The following ATP8A1 variants were observed in gnomAD, a reference collection of about 807,000 sequenced individuals.
ATP8A1 encodes ATPase phospholipid transporting 8A1, also known as phospholipid-transporting ATPase IA.
A neutral mutation model predicts 177.7 loss-of-function variants in ATP8A1; 90 were observed. The observed-to-expected ratio is 0.51, with a 90% CI of 0.43 to 0.60. The LOEUF (loss-of-function observed/expected upper bound fraction) is 0.60. ATP8A1 is among the 20% of genes least tolerant of loss of function. ATP8A1 has a pLI of 0.00. For synonymous variants in ATP8A1, 493 were observed against 485.9 expected, an observed-to-expected ratio of 1.01 and a Z score of -0.19; for missense variants, 1,072 against 1,392.8, an observed-to-expected ratio of 0.77 and a Z score of 3.67.
chr4:42,600,585 T>G lies in ATP8A1; in HGVS notation c.410-67A>C, dbSNP rs1405184963. On this transcript the variant is annotated intron_variant, in intron 5 of 36. Coordinates refer to ENST00000381668, the MANE Select transcript of ATP8A1 (RefSeq NM_006095.2). ...TATGAAAAGGCCATTTCTGATGAAA[T>G]AATAATTTTAAACGAATAGCTTCAG... 1.7e-5 allele frequency: 25 copies of G among 1,464,888 alleles called. No individual in the cohort carries two copies. The East Asian group carries it at 5.7e-4, about 33-fold the overall frequency. The allele number at this position is 1,464,888 out of a possible 1,614,324, so 90.7% of individuals were successfully genotyped here.
In ATP8A1 at chr4:42,485,650, TGA is replaced by T. The variant is rs752430276; in HGVS notation, c.2168_2169del (p.Leu723GlnfsTer9). 2.5e-5 allele frequency: 40 copies of T among 1,611,026 alleles called. No homozygotes were observed. Among genetic ancestry groups the T allele is most frequent in the Non-Finnish European group, 3.2e-5 (38 of 1,179,064 alleles). On this transcript the variant is annotated frameshift_variant, in exon 25 of 37. Coordinates refer to ENST00000381668, the MANE Select transcript of ATP8A1 (RefSeq NM_006095.2). LOFTEE classifies it high-confidence loss of function. ...TCACCAAGGGTAGTACAGTGACGACTGAGAGTTTCCCTTGTTCCCTGGAATAT... is the reference window on the plus strand; with the variant it reads ...TCACCAAGGGTAGTACAGTGACGACTGAGTTTCCCTTGTTCCCTGGAATAT... ...EGSLDGTRET[L>X]SRHCTTLGDA...
chr4:42,494,324 T>A (rs1723052899), intron 24 of ATP8A1, among the ~76,000 whole-genome samples: 1 of 151,844 alleles, frequency 6.6e-6, no homozygotes, highest in Non-Finnish European at 1.5e-5. Flanking sequence ...AATACAAAAA[T>A]TAACTGGATA....
intron 20 of ATP8A1, among the ~76,000 whole-genome samples, chr4:42,526,789 C>T (rs987148940): frequency 1.3e-5 from 2 of 152,128 alleles, no homozygotes; most frequent in African/African-American, 2.4e-5. Flanking sequence ...CCAAGAGTGG[C>T]TCTAGAGGAA....
chr4:42,431,032 G>A (rs531462000), intron 33 of ATP8A1, among the ~76,000 whole-genome samples: 1 of 151,890 alleles, frequency 6.6e-6, no homozygotes, highest in South Asian at 2.1e-4. Context: ...ATGTTTGTAT[G>A]TTTTTCTTCT....
intron 12 of ATP8A1, among the ~76,000 whole-genome samples, chr4:42,577,026 C>T (rs1232452322): frequency 6.6e-6 from 1 of 152,114 alleles, no homozygotes. Flanking sequence ...AAGAAAGTTG[C>T]TTTGTAAAAG....
chr4:42,422,735 T>G, intron 35 of ATP8A1, 72 bp downstream of exon 35: 1 of 1,233,258 alleles, frequency 8.1e-7, no homozygotes, highest in East Asian at 2.4e-5. Context: ...GTCTTATCAC[T>G]TATTTCCAAC....
At chr4:42,511,806 T>C (rs185442899) in intron 22 of ATP8A1, among the ~76,000 whole-genome samples, 29 of 151,388 alleles carry the variant, frequency 1.9e-4, no homozygotes, top group African/African-American at 7.0e-4. Flanking sequence ...ATTATGTCAG[T>C]GCTTAGATGA....
In ATP8A1 at chr4:42,409,053, A is replaced by G. The variant is rs1023692841; in HGVS notation, c.*3863T>C. ...TTCAAATTTCTTTGTAAAATAATCT[A>G]CTTATTAAAAAAGTTGTGCAGAGGA... On this transcript the variant is annotated 3_prime_UTR_variant, in exon 37 of 37. Coordinates refer to ENST00000381668, the MANE Select transcript of ATP8A1 (RefSeq NM_006095.2). 2 of 152,214 alleles carry G rather than the reference A, an allele frequency of 1.3e-5. No homozygotes were observed. The highest frequency in any genetic ancestry group is 4.8e-5 in the African/African-American group (2 of 41,468). 9.4% of individuals were successfully genotyped at this position (152,214 alleles called of 1,614,324 possible).
chr4:42,444,294 T>C (rs1331668295), intron 32 of ATP8A1, among the ~76,000 whole-genome samples: 1 of 152,214 alleles, frequency 6.6e-6, no homozygotes, highest in African/African-American at 2.4e-5. Context: ...TCCGTAAGTT[T>C]AAAGTCTCAC....
chr4:42,551,178 C>T lies in ATP8A1; in HGVS notation c.1602+20G>A, dbSNP rs147842028. Reference sequence around the variant, plus strand: ...ATGTATTACTTGGATTAAAAAGAACCTTAAAAACAACTAACTTACTGAATC... The same window carrying T: ...ATGTATTACTTGGATTAAAAAGAACTTTAAAAACAACTAACTTACTGAATC... On this transcript the variant is annotated intron_variant, in intron 18 of 36. Coordinates refer to ENST00000381668, the MANE Select transcript of ATP8A1 (RefSeq NM_006095.2). 3,271 of 1,595,428 alleles carry T rather than the reference C, an allele frequency of 2.1e-3. 22 individuals are homozygous for T. Among genetic ancestry groups the T allele is most frequent in the South Asian group, 9.5e-3 (857 of 90,610 alleles).
Position 42,625,667 on chromosome 4 carries a change from A to T in ATP8A1, c.211T>A (p.Ser71Thr), listed in dbSNP as rs1484287956. The change falls in exon 3 of 37, where the codon TCT becomes ACT. Residue 71 changes from serine (S) to threonine (T), a missense_variant. By Grantham distance (58) the Ser-to-Thr change is moderately conservative (BLOSUM62 1). This residue lies in a region of ATP8A1 where 344 missense variants were observed against 393.5 expected (regional missense o/e 0.87). Transcript: ENST00000381668. ...IITFLPRFLY[S>T]QFRRAANSFF... is the part of the protein sequence containing the mutation. ...GAATTAGCAGCTCTTCTGAACTGAG[A>T]GTAGAGAAATCTTGGAAGGAATGTG... 1 of 1,609,506 alleles carries T rather than the reference A, an allele frequency of 6.2e-7. No homozygotes were observed. The highest frequency in any genetic ancestry group is 1.7e-5 in the Admixed American group (1 of 59,260).
chr4:42,436,004 C>T (rs896212584), intron 33 of ATP8A1, among the ~76,000 whole-genome samples: 6 of 152,148 alleles, frequency 3.9e-5, no homozygotes, highest in Admixed American at 1.3e-4. Context: ...AATGGGGATC[C>T]TGCCCAATTA....
At chr4:42,539,121 T>C (rs1031715484) in intron 20 of ATP8A1, among the ~76,000 whole-genome samples, 1 of 152,116 alleles carries the variant, frequency 6.6e-6, no homozygotes. Context: ...CTGGATGGAA[T>C]TGGAGATGAT....
intron 25 of ATP8A1, among the ~76,000 whole-genome samples, chr4:42,468,450 C>CACACACAG (rs1720043677): frequency 8.0e-6 from 1 of 124,968 alleles, no homozygotes; most frequent in African/African-American, 2.9e-5. Flanking sequence ...CACACACACA[C>CACACACAG]ACAGACACAC....
chr4:42,648,649 T>C (rs562403294), intron 1 of ATP8A1, among the ~76,000 whole-genome samples: 1 of 151,684 alleles, frequency 6.6e-6, no homozygotes, highest in South Asian at 2.1e-4. Flanking sequence ...AGCAGAAATT[T>C]AAAAAAAGGA....
rs1721385517 is a variant in ATP8A1, at chr4:42,479,066, T to TCCC, written c.2324+6429_2324+6430insGGG. On this transcript the variant is annotated intron_variant, in intron 25 of 36. Coordinates refer to ENST00000381668, the MANE Select transcript of ATP8A1 (RefSeq NM_006095.2). ...ATCAGTATTGCAGGAAAGTTCTGTT[T>TCCC]TAACTACCTCCTTCCATGTTCATTC... Among the ~76,000 whole-genome samples, 3 of 152,336 alleles carry TCCC rather than the reference T, an allele frequency of 2.0e-5. No individual in the cohort carries two copies. In the South Asian group the frequency reaches 6.2e-4, roughly 32 times the overall value.
chr4:42,536,513 T>A (rs1346697490), intron 20 of ATP8A1, among the ~76,000 whole-genome samples: 1 of 152,252 alleles, frequency 6.6e-6, no homozygotes, highest in East Asian at 1.9e-4. Flanking sequence ...CTGAATTCTA[T>A]CACACATTCA....
intron 22 of ATP8A1, among the ~76,000 whole-genome samples, chr4:42,510,037 GA>G (rs753880339): frequency 4.6e-5 from 7 of 152,104 alleles, no homozygotes; most frequent in Non-Finnish European, 8.8e-5. Context: ...TCATCTTAAT[GA>G]CTCCACAGCA....
At chr4:42,630,603 C>T (rs893967215) in intron 1 of ATP8A1, among the ~76,000 whole-genome samples, 1 of 152,182 alleles carries the variant, frequency 6.6e-6, no homozygotes, top group African/African-American at 2.4e-5. Flanking sequence ...TGGTATCTCT[C>T]TCAGCTTTTC....
Sources: gnomAD v4.1 joint callset for allele counts (sites outside exome capture counted in the v4.1 genomes callset) on GRCh38, gnomAD v4.1.1 for gene constraint, gnomAD v4.1.1 regional missense constraint, MANE v1.5 for transcripts, NCBI Gene and HGNC (gene_info 2026-07-23, HGNC 2026-07-21) for gene names.